The following AAK1 variants were observed in gnomAD, a reference collection of about 807,000 sequenced individuals.
AAK1 encodes AP2-associated protein kinase 1.
In AAK1, 37 loss-of-function variants were observed where a neutral mutation model predicts 116.0. That is an observed-to-expected ratio of 0.32 (90% CI 0.25 to 0.42). The LOEUF (loss-of-function observed/expected upper bound fraction) is 0.42. Ranked by LOEUF, AAK1 falls within the 10% of genes least tolerant of loss-of-function variation. The pLI is 1.00. For synonymous variants in AAK1, 458 were observed against 439.9 expected, an observed-to-expected ratio of 1.04 and a Z score of -0.51; for missense variants, 919 against 1,170.6, an observed-to-expected ratio of 0.79 and a Z score of 3.14.
At chr2:69,611,528 T>C (rs1403990850) in intron 2 of AAK1, among the ~76,000 whole-genome samples, 1 of 152,242 alleles carries the variant, frequency 6.6e-6, no homozygotes, top group Non-Finnish European at 1.5e-5. Context: ...CTCCCCGAGC[T>C]TGCAGATGGC....
At chr2:69,634,362 C>T (rs970980322) in intron 2 of AAK1, among the ~76,000 whole-genome samples, 7 of 152,194 alleles carry the variant, frequency 4.6e-5, no homozygotes, top group Non-Finnish European at 7.3e-5. Flanking sequence ...ATCTGTACAG[C>T]TGGAGTAATA....
At chr2:69,561,735 C>T (rs1671651099) in intron 2 of AAK1, among the ~76,000 whole-genome samples, 1 of 152,140 alleles carries the variant, frequency 6.6e-6, no homozygotes, top group African/African-American at 2.4e-5. Context: ...GGTACCTTTG[C>T]AGACAATCTC....
Position 69,479,069 on chromosome 2 carries a change from C to T in AAK1, c.2570-8G>A, listed in dbSNP as rs779154407. 2 of 1,575,426 alleles carry T rather than the reference C, an allele frequency of 1.3e-6. No homozygotes were observed. Among genetic ancestry groups the T allele is most frequent in the African/African-American group, 1.4e-5 (1 of 74,062 alleles). Reference sequence around the variant, plus strand: ...CTTCCCCGGTGAGAGAATCTGAGTCCAGATTAACAGCATCCCAGGTCAGTG... The same window carrying T: ...CTTCCCCGGTGAGAGAATCTGAGTCTAGATTAACAGCATCCCAGGTCAGTG... On this transcript the variant is annotated splice_polypyrimidine_tract_variant and splice_region_variant and intron_variant, in intron 19 of 21. Transcript: ENST00000409085.
chr2:69,463,272 A>C lies in AAK1; in HGVS notation c.*12597T>G, dbSNP rs1674386947. The C allele has an allele frequency of 6.6e-6, 1 of 152,266 alleles. No homozygotes were observed. Among genetic ancestry groups the C allele is most frequent in the Non-Finnish European group, 1.5e-5 (1 of 68,046 alleles). The allele number at this position is 152,266 out of a possible 1,614,324, so 9.4% of individuals were successfully genotyped here. A position where few individuals can be genotyped will look rare whatever the true frequency, so the allele number is the denominator to read the frequency against. ...TTTACTAGAAGTAACAGAAAGCATT[A>C]AAGTTGAAACCTAATGCAGCAGTTC... On this transcript the variant is annotated 3_prime_UTR_variant, in exon 22 of 22. Transcript: ENST00000409085.
intron 2 of AAK1, among the ~76,000 whole-genome samples, chr2:69,626,799 G>A (rs925465865): frequency 6.6e-6 from 1 of 151,512 alleles, no homozygotes; most frequent in African/African-American, 2.4e-5. Context: ...CAGGGCACTC[G>A]GCCCCTTCTT....
At chr2:69,567,569 T>A (rs1310842065) in intron 2 of AAK1, among the ~76,000 whole-genome samples, 12 of 152,180 alleles carry the variant, frequency 7.9e-5, no homozygotes, top group East Asian at 7.7e-4. Context: ...TAAAAAATTT[T>A]AAAAAAACAA....
chr2:69,505,399 T>TA (rs920783464), intron 16 of AAK1, among the ~76,000 whole-genome samples, 170 bp downstream of exon 16: 3 of 151,680 alleles, frequency 2.0e-5, no homozygotes, highest in Non-Finnish European at 4.4e-5. Context: ...GCTTTTGAAT[T>TA]AAAAAAAAGT....
At chr2:69,610,024 C>T (rs1210621317) in intron 2 of AAK1, among the ~76,000 whole-genome samples, 1 of 140,246 alleles carries the variant, frequency 7.1e-6, no homozygotes, top group Non-Finnish European at 1.5e-5. Flanking sequence ...GCACTCCAGC[C>T]TGGGCGACAG....
At chr2:69,531,178 C>G (rs532162904) in intron 6 of AAK1, among the ~76,000 whole-genome samples, 40 of 152,152 alleles carry the variant, frequency 2.6e-4, no homozygotes, top group Admixed American at 2.3e-3. Flanking sequence ...CCTCTTTGCT[C>G]CTGGAATCAG....
At position 69,473,814 on chromosome 2, in the gene AAK1, C is replaced by A. The variant is rs913454254; in HGVS notation, c.*2055G>T. ...TAAACATTTCCTTCATTAATTTATA[C>A]ATTCTTTCTATGTCCAGGAAAGAGA... On this transcript the variant is annotated 3_prime_UTR_variant, in exon 22 of 22. Transcript: ENST00000409085. 1.0e-6 allele frequency: 1 copy of A among 985,440 alleles called. No homozygotes were observed. Among genetic ancestry groups the A allele is most frequent in the Non-Finnish European group, 1.2e-6 (1 of 829,666 alleles). The allele number at this position is 985,440 out of a possible 1,614,324, so 61.0% of individuals were successfully genotyped here. A position where few individuals can be genotyped will look rare whatever the true frequency, so the allele number is the denominator to read the frequency against.
At chr2:69,497,393 C>G (rs186513328) in intron 16 of AAK1, among the ~76,000 whole-genome samples, 1 of 147,898 alleles carries the variant, frequency 6.8e-6, no homozygotes, top group African/African-American at 2.5e-5. Context: ...AGCTCTGCCT[C>G]CCAGGTTCAA....
At chr2:69,586,694 G>A (rs558465469) in intron 2 of AAK1, among the ~76,000 whole-genome samples, 15 of 152,284 alleles carry the variant, frequency 9.9e-5, no homozygotes, top group African/African-American at 3.4e-4. Context: ...AAAAGAGTTG[G>A]AAAGATTATC....
chr2:69,506,735 A>G (rs1335210789), intron 15 of AAK1, among the ~76,000 whole-genome samples: 1 of 152,150 alleles, frequency 6.6e-6, no homozygotes, highest in Non-Finnish European at 1.5e-5. Context: ...ATACCACTCA[A>G]TTGGTTCTCA....
chr2:69,546,173 G>A (rs1026185818), intron 3 of AAK1, among the ~76,000 whole-genome samples: 1 of 152,132 alleles, frequency 6.6e-6, no homozygotes, highest in African/African-American at 2.4e-5. Context: ...GGAAGAAAAA[G>A]AGAACTCAAA....
rs561095789 is a variant in AAK1 at position 69,609,713 on chromosome 2, C to T, written c.163+33165G>A. On this transcript the variant is annotated intron_variant, in intron 2 of 21. Coordinates refer to ENST00000409085, the MANE Select transcript of AAK1 (RefSeq NM_014911.5). ...TAAGAAAATCCAACCTAAACCCACACGAAATCTCAAGGGACTCTGAATAAC... is the reference window on the plus strand; with the variant it reads ...TAAGAAAATCCAACCTAAACCCACATGAAATCTCAAGGGACTCTGAATAAC... 6.9e-4 allele frequency among the ~76,000 whole-genome samples: 104 copies of T among 151,446 alleles called. 1 individual carries two copies. In the Middle Eastern group the frequency reaches 0.014, roughly 20 times the overall value.
intron 2 of AAK1, among the ~76,000 whole-genome samples, chr2:69,591,267 A>G (rs1457567303): frequency 6.6e-6 from 1 of 152,222 alleles, no homozygotes; most frequent in Non-Finnish European, 1.5e-5. Flanking sequence ...CAGGCTCTAC[A>G]GGAGCATGAA....
intron 2 of AAK1, among the ~76,000 whole-genome samples, chr2:69,561,387 T>A (rs1572958637): frequency 6.6e-6 from 1 of 152,220 alleles, no homozygotes; most frequent in African/African-American, 2.4e-5. Flanking sequence ...CCACCCAGCA[T>A]GTGTATACGA....
At chr2:69,586,320 T>C (rs1572981491) in intron 2 of AAK1, among the ~76,000 whole-genome samples, 2 of 152,210 alleles carry the variant, frequency 1.3e-5, no homozygotes, top group East Asian at 3.9e-4. Flanking sequence ...AATACCAGGC[T>C]GGTAATGAGG....
At position 69,460,569 on chromosome 2, in the gene AAK1, C is replaced by G. The variant is rs1303084927; in HGVS notation, c.*15300G>C. The G allele has an allele frequency of 6.6e-6, 1 of 152,128 alleles. No homozygotes were observed. 9.4% of individuals were successfully genotyped at this position (152,128 alleles called of 1,614,324 possible). On this transcript the variant is annotated 3_prime_UTR_variant, in exon 22 of 22. Transcript: ENST00000409085. Reference sequence around the variant, plus strand: ...AACGTTTAGAAAGAGATCTTAGTTGCCAGAGAAAACTCAGATACAACATGA... The same window carrying G: ...AACGTTTAGAAAGAGATCTTAGTTGGCAGAGAAAACTCAGATACAACATGA...
Sources: allele counts gnomAD v4.1 joint callset (sites outside exome capture counted in the v4.1 genomes callset), GRCh38; gene constraint gnomAD v4.1.1; transcripts MANE v1.5; gene names NCBI Gene and HGNC (gene_info 2026-07-23, HGNC 2026-07-21).